The following AGBL4 variants were observed in gnomAD, a reference collection of about 807,000 sequenced individuals.
AGBL4 encodes cytosolic carboxypeptidase 6.
A neutral mutation model predicts 66.4 loss-of-function variants in AGBL4; 58 were observed. The ratio of observed to expected loss-of-function variants is 0.87; its 90% CI spans 0.71 to 1.09. The LOEUF (loss-of-function observed/expected upper bound fraction) is 1.09, where lower values mean the gene tolerates loss of function less well. AGBL4 is among the 50% of genes least tolerant of loss of function. The probability of loss-of-function intolerance (pLI) is 0.00; values close to 1 mark genes in which losing one functional copy is unlikely to be tolerated. For missense variants in AGBL4, 579 were observed against 631.0 expected (o/e 0.92, Z 0.88); for synonymous variants, 234 against 222.9 (o/e 1.05, Z -0.44).
intron 1 of AGBL4, among the ~76,000 whole-genome samples, chr1:49,902,995 T>C (rs1356474594): frequency 6.6e-6 from 1 of 152,100 alleles, no homozygotes; most frequent in East Asian, 1.9e-4. Flanking sequence ...AATCCCATTA[T>C]TGGGTATATA....
intron 3 of AGBL4, among the ~76,000 whole-genome samples, chr1:49,694,018 G>A (rs1391868180): frequency 6.6e-6 from 1 of 152,118 alleles, no homozygotes; most frequent in Non-Finnish European, 1.5e-5. Flanking sequence ...TATGCTGCGA[G>A]CTTTTATTAT....
chr1:48,597,113 C>G (rs1004069759), intron 9 of AGBL4, among the ~76,000 whole-genome samples: 1 of 152,216 alleles, frequency 6.6e-6, no homozygotes, highest in African/African-American at 2.4e-5. Context: ...TACTGCTTAT[C>G]CCAAATGGGC....
chr1:49,035,125 C>T (rs1489021087), intron 5 of AGBL4, among the ~76,000 whole-genome samples: 2 of 152,080 alleles, frequency 1.3e-5, no homozygotes, highest in African/African-American at 4.8e-5. Context: ...AATCTGAATA[C>T]AGTTCTGTGT....
chr1:49,416,433 G>A (rs1427800955), intron 3 of AGBL4, among the ~76,000 whole-genome samples: 3 of 152,024 alleles, frequency 2.0e-5, no homozygotes, highest in Admixed American at 6.6e-5. Context: ...GTGATTTGTG[G>A]TATATTCTTC....
At chr1:48,590,785 G>C in intron 10 of AGBL4, 48 bp downstream of exon 10, 2 of 1,541,480 alleles carry the variant, frequency 1.3e-6, no homozygotes, top group Non-Finnish European at 1.7e-6. Context: ...AGACGGGGAG[G>C]CAGGGTGTGG....
rs1411282930 is a variant in AGBL4, at chr1:48,686,027, T to A, written c.635-22786A>T. On this transcript the variant is annotated intron_variant, in intron 6 of 13. Transcript: ENST00000371839. ...CTGAGGCTCAGTATGGTCAATTGACTTTTATGTAACTGTTTCATTGAATCC... is the reference window on the plus strand; with the variant it reads ...CTGAGGCTCAGTATGGTCAATTGACATTTATGTAACTGTTTCATTGAATCC... Among the ~76,000 whole-genome samples, 2 of 152,198 alleles carry A rather than the reference T, an allele frequency of 1.3e-5. 1 individual carries two copies. The highest frequency in any genetic ancestry group is 4.1e-4 in the South Asian group (2 of 4,830).
chr1:49,123,590 G>T (rs984099443), intron 4 of AGBL4, among the ~76,000 whole-genome samples: 2 of 152,186 alleles, frequency 1.3e-5, no homozygotes, highest in Admixed American at 1.3e-4. Flanking sequence ...GCTGGTATAA[G>T]AAATAGCCCC....
chr1:48,653,307 TGCTTCC>T, intron 8 of AGBL4, 24 bp downstream of exon 8: 1 of 1,504,876 alleles, frequency 6.6e-7, no homozygotes, highest in Non-Finnish European at 9.0e-7. Flanking sequence ...TATAAGTACT[TGCTTCC>T]AAGCATTCTC....
At chr1:49,670,451 T>G (rs1223150642) in intron 3 of AGBL4, among the ~76,000 whole-genome samples, 2 of 152,186 alleles carry the variant, frequency 1.3e-5, no homozygotes, top group Non-Finnish European at 2.9e-5. Flanking sequence ...TTTGCTGATC[T>G]GAAGTTGCAG....
chr1:49,083,280 T>C (rs1239687773), intron 4 of AGBL4, among the ~76,000 whole-genome samples: 2 of 152,174 alleles, frequency 1.3e-5, no homozygotes, highest in Non-Finnish European at 2.9e-5. Flanking sequence ...CAACCCCACA[T>C]TTCTCTTCCT....
intron 6 of AGBL4, among the ~76,000 whole-genome samples, chr1:48,753,366 G>A (rs992740590): frequency 6.6e-6 from 1 of 152,218 alleles, no homozygotes; most frequent in Non-Finnish European, 1.5e-5. Context: ...AACCCAAGTA[G>A]TATCTGTTGC....
rs769761073 is a variant in AGBL4 at position 49,460,455 on chromosome 1, C to T, written c.283-214591G>A. Among the ~76,000 whole-genome samples the T allele has an allele frequency of 3.3e-5, 5 of 151,520 alleles. 1 individual carries two copies. The highest frequency in any genetic ancestry group is 7.4e-5 in the Non-Finnish European group (5 of 67,748). On this transcript the variant is annotated intron_variant, in intron 3 of 13. Transcript: ENST00000371839. ...TTTACATGGAATATCTTTTTCCAGC[C>T]CTTTTCCTTAGATTTATGTGAGTCC...
chr1:48,758,846 T>G, intron 6 of AGBL4: 1 of 1,413,406 alleles, frequency 7.1e-7, no homozygotes, highest in Non-Finnish European at 9.4e-7. Flanking sequence ...GAAGAGGATC[T>G]GCATGAAGTA....
chr1:49,558,501 C>T (rs1424876399), intron 3 of AGBL4, among the ~76,000 whole-genome samples: 3 of 152,060 alleles, frequency 2.0e-5, no homozygotes, highest in Non-Finnish European at 4.4e-5. Context: ...CCACCACACC[C>T]AGCTAATTTC....
chr1:48,579,648 C>A (rs867702172), intron 11 of AGBL4, among the ~76,000 whole-genome samples: 3 of 150,780 alleles, frequency 2.0e-5, no homozygotes, highest in Middle Eastern at 3.4e-3. Context: ...TGGTGGCTCA[C>A]GCCTGTAATC....
intron 6 of AGBL4, among the ~76,000 whole-genome samples, chr1:48,673,123 AT>A (rs1187834788): frequency 6.6e-6 from 1 of 152,152 alleles, no homozygotes; most frequent in Non-Finnish European, 1.5e-5. Flanking sequence ...TACTAAAGAG[AT>A]GTTATTCTGT....
At chr1:48,703,051 A>T (rs320039) in intron 6 of AGBL4, among the ~76,000 whole-genome samples, 139,177 of 152,220 alleles carry the variant, frequency 0.91, 64,890 homozygotes, top group Non-Finnish European at 1. Flanking sequence ...AACAAAATAA[A>T]ACCTCCAAGA....
intron 3 of AGBL4, among the ~76,000 whole-genome samples, chr1:49,548,286 C>G (rs552149035): frequency 1.3e-5 from 2 of 152,084 alleles, no homozygotes; most frequent in Non-Finnish European, 2.9e-5. Flanking sequence ...GATTTGGATG[C>G]GTTTTATTTC....
intron 1 of AGBL4, among the ~76,000 whole-genome samples, chr1:49,929,227 A>C (rs1282563519): frequency 1.3e-5 from 2 of 152,170 alleles, no homozygotes. Context: ...TTCCTGGGTG[A>C]CAGGTTCAAT....
Sources: gnomAD v4.1 joint callset for allele counts (sites outside exome capture counted in the v4.1 genomes callset) on GRCh38, gnomAD v4.1.1 for gene constraint, MANE v1.5 for transcripts, NCBI Gene and HGNC (gene_info 2026-07-23, HGNC 2026-07-21) for gene names.